Variants in SLC30A7 observed in about 807,000 individuals in gnomAD.
SLC30A7 encodes the protein zinc transporter 7.
SLC30A7 carries 35 observed loss-of-function variants against 46.0 expected under a neutral mutation model. That is an observed-to-expected ratio of 0.76 (90% CI 0.58 to 1.01). The LOEUF (loss-of-function observed/expected upper bound fraction) is 1.01. SLC30A7 is among the 50% of genes least tolerant of loss of function. The pLI, the probability that SLC30A7 is intolerant of heterozygous loss-of-function variation, is 0.00. For synonymous variants in SLC30A7, 147 were observed against 157.8 expected (o/e 0.93, Z 0.51); for missense variants, 464 against 451.1 (o/e 1.03, Z -0.26).
At chr1:100,921,213 G>T (rs1652912060) in intron 7 of SLC30A7, among the ~76,000 whole-genome samples, 1 of 152,154 alleles carries the variant, frequency 6.6e-6, no homozygotes. Flanking sequence ...TAATTAATAA[G>T]TGTAACAGGA....
intron 8 of SLC30A7, among the ~76,000 whole-genome samples, chr1:100,924,558 C>G (rs915276177): frequency 1.3e-5 from 2 of 151,942 alleles, no homozygotes; most frequent in Non-Finnish European, 2.9e-5. Context: ...TACTGTAGTA[C>G]CCTTTTCATG....
In SLC30A7 at chr1:100,980,901, ATGTAT is replaced by A. The variant is rs1198934240; in HGVS notation, c.*6048_*6052del. ...ATATTCACATATTTCATTTATCCTA[ATGTAT>A]TGTCATCCAAAATGAAAGAGGTCTT... On this transcript the variant is annotated 3_prime_UTR_variant, in exon 11 of 11. Transcript: ENST00000357650. 6.6e-6 allele frequency: 1 copy of A among 152,092 alleles called. No homozygotes were observed. Among genetic ancestry groups the A allele is most frequent in the Non-Finnish European group, 1.5e-5 (1 of 67,948 alleles). 9.4% of individuals were successfully genotyped at this position (152,092 alleles called of 1,614,324 possible). A position where few individuals can be genotyped will look rare whatever the true frequency, so the allele number is the denominator to read the frequency against.
chr1:100,943,480 G>A (rs1654464888), intron 8 of SLC30A7, among the ~76,000 whole-genome samples: 2 of 152,204 alleles, frequency 1.3e-5, no homozygotes, highest in African/African-American at 4.8e-5. Context: ...TTTTATGGAG[G>A]CTTCATTACA....
intron 10 of SLC30A7, among the ~76,000 whole-genome samples, chr1:100,966,482 G>A (rs1027414228): frequency 5.9e-5 from 9 of 151,876 alleles, no homozygotes; most frequent in Admixed American, 2.6e-4. Flanking sequence ...CTACTTGGGA[G>A]GCTGAGGCAG....
rs1343869577 is a variant in SLC30A7 at position 100,896,214 on chromosome 1, GAGCCACTTCT to G, written c.-46_-37del. On this transcript the variant is annotated 5_prime_UTR_variant, in exon 1 of 11. Transcript: ENST00000357650. ...CTACTGTCACTGCCATCACCCCACG[GAGCCACTTCT>G]AGAGGGGAGTAGACCCGGCCCTTCG... 4 of 1,560,794 alleles carry G rather than the reference GAGCCACTTCT, an allele frequency of 2.6e-6. No homozygotes were observed. The highest frequency in any genetic ancestry group is 3.5e-6 in the Non-Finnish European group (4 of 1,131,862).
the SLC30A7 span, chr1:100,989,538 T>C: frequency 6.6e-6 from 1 of 152,214 alleles, no homozygotes; most frequent in Non-Finnish European, 1.5e-5. Context: ...TTTGTTTATA[T>C]ACACTAATAC....
intron 6 of SLC30A7, among the ~76,000 whole-genome samples, chr1:100,917,455 A>G (rs1045178285): frequency 3.3e-5 from 5 of 152,174 alleles, no homozygotes; most frequent in African/African-American, 1.2e-4. Context: ...AAAGCTTGTC[A>G]GTCTTCCTGA....
At chr1:100,935,093 A>G (rs1653874903) in intron 8 of SLC30A7, among the ~76,000 whole-genome samples, 1 of 152,244 alleles carries the variant, frequency 6.6e-6, no homozygotes, top group African/African-American at 2.4e-5. Context: ...ATGCTAATCA[A>G]AGCCTTCCCA....
the SLC30A7 span, among the ~76,000 whole-genome samples, chr1:100,987,031 A>G: frequency 2.6e-5 from 4 of 152,176 alleles, no homozygotes; most frequent in African/African-American, 9.7e-5. Context: ...TCATTTTACA[A>G]TTTCATTTAA....
chr1:100,922,111 C>A (rs767666750), intron 8 of SLC30A7, among the ~76,000 whole-genome samples: 2 of 151,754 alleles, frequency 1.3e-5, no homozygotes, highest in East Asian at 3.9e-4. Context: ...CTGCAACCAG[C>A]TGTACGTTAG....
rs1428589192 is a variant in SLC30A7, at chr1:100,980,141, G to A, written c.*5284G>A. The A allele has an allele frequency of 6.6e-6, 1 of 152,122 alleles. No individual in the cohort carries two copies. Among genetic ancestry groups the A allele is most frequent in the African/African-American group, 2.4e-5 (1 of 41,448 alleles). 9.4% of individuals were successfully genotyped at this position (152,122 alleles called of 1,614,324 possible). ...TGGCATTGAAGAGTAAGCTGCTTAA[G>A]GGACTGAATGAAAAGATAGTACCCT... On this transcript the variant is annotated 3_prime_UTR_variant, in exon 11 of 11. Transcript: ENST00000357650.
chr1:100,975,180 T>C lies in SLC30A7; in HGVS notation c.*323T>C, dbSNP rs1656397576. On this transcript the variant is annotated 3_prime_UTR_variant, in exon 11 of 11. Coordinates refer to ENST00000357650, the MANE Select transcript of SLC30A7 (RefSeq NM_133496.5). ...TGTTTTTGTTTTCTGTTTGTTTGTT[T>C]TCATGTTGAATGCCCACACCACCAT... 5.0e-6 allele frequency: 1 copy of C among 198,496 alleles called. No individual in the cohort carries two copies. Among genetic ancestry groups the C allele is most frequent in the Non-Finnish European group, 1.0e-5 (1 of 98,398 alleles). 12.3% of individuals were successfully genotyped at this position (198,496 alleles called of 1,614,324 possible).
At chr1:100,990,343 A>G in the SLC30A7 span, 1 of 1,435,004 alleles carries the variant, frequency 7.0e-7, no homozygotes, top group Non-Finnish European at 9.8e-7. Flanking sequence ...GGGTGGGGAT[A>G]CATCCAAACC....
chr1:100,993,559 A>AATACATATATAT, the SLC30A7 span, among the ~76,000 whole-genome samples: 1 of 56,546 alleles, frequency 1.8e-5, no homozygotes, highest in African/African-American at 6.3e-5. Context: ...CGAAAATATA[A>AATACATATATAT]ATATATATAT....
chr1:100,982,003 C>T (rs1656964251), downstream of SLC30A7, among the ~76,000 whole-genome samples: 4 of 152,170 alleles, frequency 2.6e-5, 1 homozygote, highest in South Asian at 8.3e-4. Context: ...GTATTTACTT[C>T]CAGATATTTC....
At chr1:100,983,414 A>C (rs369272757), downstream of SLC30A7, among the ~76,000 whole-genome samples, 1 of 151,508 alleles carries the variant, frequency 6.6e-6, no homozygotes, top group Non-Finnish European at 1.5e-5. Context: ...AACAAAAAAA[A>C]CTACCATGAA....
chr1:100,967,963 C>A (rs927700782), intron 10 of SLC30A7, among the ~76,000 whole-genome samples: 4 of 152,038 alleles, frequency 2.6e-5, no homozygotes, highest in Non-Finnish European at 5.9e-5. Flanking sequence ...GAAGACTGTT[C>A]TTAATTCTTA....
chr1:100,993,884 G>A, the SLC30A7 span, among the ~76,000 whole-genome samples: 1 of 151,538 alleles, frequency 6.6e-6, no homozygotes, highest in Admixed American at 6.6e-5. Flanking sequence ...GGGATTACAG[G>A]TGCCTGCCAC....
downstream of SLC30A7, among the ~76,000 whole-genome samples, chr1:100,982,100 C>T (rs1051635958): frequency 6.6e-6 from 1 of 152,170 alleles, no homozygotes; most frequent in African/African-American, 2.4e-5. Flanking sequence ...TGATGTGAGC[C>T]TCCATTATCC....
Sources: allele counts gnomAD v4.1 joint callset (sites outside exome capture counted in the v4.1 genomes callset), GRCh38; gene constraint gnomAD v4.1.1; transcripts MANE v1.5; gene names NCBI Gene and HGNC (gene_info 2026-07-23, HGNC 2026-07-21).